CCDC73: variants seen among roughly 807,000 people sequenced by gnomAD.
The protein encoded by CCDC73 is coiled-coil domain containing 73, also known as coiled-coil domain-containing protein 73.
CCDC73 carries 95 observed loss-of-function variants against 116.5 expected under a neutral mutation model. The observed-to-expected ratio is 0.82, with a 90% CI of 0.69 to 0.97. The LOEUF (loss-of-function observed/expected upper bound fraction) is 0.97, where lower values mean the gene tolerates loss of function less well. CCDC73 is among the 50% of genes least tolerant of loss of function. The probability of loss-of-function intolerance (pLI) is 0.00; values close to 1 mark genes in which losing one functional copy is unlikely to be tolerated. For synonymous variants in CCDC73, 398 were observed against 401.3 expected (o/e 0.99, Z 0.10); for missense variants, 1,066 against 1,206.8 (o/e 0.88, Z 1.73).
chr11:32,779,256 T>A (rs1195460783), intron 1 of CCDC73, among the ~76,000 whole-genome samples: 1 of 120,282 alleles, frequency 8.3e-6, no homozygotes, highest in Non-Finnish European at 1.7e-5. Context: ...TATGCCTTCA[T>A]GTGGGGCAAA....
intron 1 of CCDC73, among the ~76,000 whole-genome samples, chr11:32,767,402 T>G (rs9667014): frequency 6.6e-6 from 1 of 152,128 alleles, no homozygotes; most frequent in African/African-American, 2.4e-5. Flanking sequence ...ATTCAGGACA[T>G]AGGCATGGGC....
intron 2 of CCDC73, among the ~76,000 whole-genome samples, chr11:32,722,020 TAAC>T (rs911047509): frequency 2.0e-4 from 30 of 152,124 alleles, no homozygotes; most frequent in African/African-American, 6.5e-4. Flanking sequence ...TAGCCGCAAG[TAAC>T]AACAACAAAA....
chr11:32,811,589 T>C, the CCDC73 span, among the ~76,000 whole-genome samples: 1 of 152,108 alleles, frequency 6.6e-6, no homozygotes, highest in Non-Finnish European at 1.5e-5. Context: ...CCAAGCAGCA[T>C]GGCACCAGCA....
intron 4 of CCDC73, 66 bp from the exon 5 acceptor site, chr11:32,700,892 G>C: frequency 4.6e-6 from 3 of 646,512 alleles, no homozygotes; most frequent in Non-Finnish European, 7.5e-6. Flanking sequence ...ACTGGTCACT[G>C]AGACTAAAGA....
chr11:32,736,714 A>G (rs1469830501), intron 2 of CCDC73, among the ~76,000 whole-genome samples: 1 of 151,930 alleles, frequency 6.6e-6, no homozygotes, highest in African/African-American at 2.4e-5. Context: ...ATGCACACGT[A>G]TGTTTATTGC....
chr11:32,775,225 T>C (rs1850523817), intron 1 of CCDC73, among the ~76,000 whole-genome samples: 2 of 152,202 alleles, frequency 1.3e-5, no homozygotes, highest in South Asian at 2.1e-4. Flanking sequence ...TGGCACACAA[T>C]AGACACTGAA....
chr11:32,614,284 A>C lies in CCDC73; in HGVS notation c.2034T>G (p.Leu678=). The C allele has an allele frequency of 6.2e-7, 1 of 1,613,578 alleles. No individual in the cohort carries two copies. The highest frequency in any genetic ancestry group is 8.5e-7 in the Non-Finnish European group (1 of 1,179,666). ...LTKKSECSIL[L]SKQTSDFLQV... ...GCAGAAAATCTGAAGTTTGTTTAGAAAGTAATATGCTGCACTCACTTTTTT... is the reference window on the plus strand; with the variant it reads ...GCAGAAAATCTGAAGTTTGTTTAGACAGTAATATGCTGCACTCACTTTTTT... The change falls in exon 16 of 18, where the codon CTT becomes CTG. Residue 678 remains leucine (L), a synonymous_variant. Coordinates refer to ENST00000335185, the MANE Select transcript of CCDC73 (RefSeq NM_001008391.4).
In CCDC73 at chr11:32,614,319, G is replaced by A. The variant is rs755272422; in HGVS notation, c.1999C>T (p.Leu667=). Reference sequence around the variant, plus strand: ...CTGCACTCACTTTTTTTAGTTAACAGTTGTATTTGTTTTATTTTACATTGT... The same window carrying A: ...CTGCACTCACTTTTTTTAGTTAACAATTGTATTTGTTTTATTTTACATTGT... ...DKQCKIKQIQ[L]LTKKSECSIL... Residue 667 remains leucine (L), a synonymous_variant, in exon 16 of 18, where the codon CTG becomes TTG. Coordinates refer to ENST00000335185, the MANE Select transcript of CCDC73 (RefSeq NM_001008391.4). 1.4e-5 allele frequency: 22 copies of A among 1,611,714 alleles called. No homozygotes were observed. The East Asian group carries it at 4.0e-4, about 29-fold the overall frequency.
At chr11:32,635,618 A>G (rs1434201112) in intron 14 of CCDC73, 78 bp downstream of exon 14, 2 of 1,178,088 alleles carry the variant, frequency 1.7e-6, no homozygotes, top group African/African-American at 3.1e-5. Flanking sequence ...AACTTAAAGT[A>G]TAAAACAGGG....
chr11:32,781,475 T>A (rs939418213), intron 1 of CCDC73, among the ~76,000 whole-genome samples: 1 of 152,024 alleles, frequency 6.6e-6, no homozygotes, highest in African/African-American at 2.4e-5. Flanking sequence ...GCCAACAGAG[T>A]CTGCTGATAC....
chr11:32,819,469 T>TG, the CCDC73 span, among the ~76,000 whole-genome samples: 4 of 148,914 alleles, frequency 2.7e-5, no homozygotes, highest in Middle Eastern at 3.2e-3. Context: ...AATAAGAGGT[T>TG]TTTTTTTTTT....
intron 6 of CCDC73, among the ~76,000 whole-genome samples, chr11:32,686,657 T>C (rs1419304838): frequency 6.6e-6 from 1 of 152,164 alleles, no homozygotes; most frequent in African/African-American, 2.4e-5. Flanking sequence ...CCACATTATT[T>C]CAGGCCACCG....
At chr11:32,807,732 C>T in the CCDC73 span, among the ~76,000 whole-genome samples, 1 of 152,174 alleles carries the variant, frequency 6.6e-6, no homozygotes, top group Non-Finnish European at 1.5e-5. Flanking sequence ...TCTGTCACAA[C>T]TCTGTCCTGC....
chr11:32,635,925 G>T, intron 13 of CCDC73, 95 bp from the exon 14 acceptor site: 1 of 777,810 alleles, frequency 1.3e-6, no homozygotes. Context: ...TCAGGAAATA[G>T]TCAAAGAATC....
At chr11:32,778,587 G>A (rs1876909) in intron 1 of CCDC73, among the ~76,000 whole-genome samples, 12,645 of 151,992 alleles carry the variant, frequency 0.083, 599 homozygotes, top group South Asian at 0.12. Context: ...TGAGGCAGGC[G>A]GATCACCTGA....
rs1220035163 is a variant in CCDC73 at position 32,718,012 on chromosome 11, T to C, written c.207+64A>G. 9 of 1,133,060 alleles carry C rather than the reference T, an allele frequency of 7.9e-6. No individual in the cohort carries two copies. In the African/African-American group the frequency reaches 9.4e-5, roughly 12 times the overall value. 70.2% of individuals were successfully genotyped at this position (1,133,060 alleles called of 1,614,324 possible). A position where few individuals can be genotyped will look rare whatever the true frequency, so the allele number is the denominator to read the frequency against. On this transcript the variant is annotated intron_variant, in intron 3 of 17. Coordinates refer to ENST00000335185, the MANE Select transcript of CCDC73 (RefSeq NM_001008391.4). ...TTGTCTCTCCCTTGACACGTGGGGG[T>C]TACGGGGATTACAATTCAAGATGAG...
At chr11:32,650,576 G>A (rs1209349739) in intron 12 of CCDC73, among the ~76,000 whole-genome samples, 1 of 152,126 alleles carries the variant, frequency 6.6e-6, no homozygotes, top group African/African-American at 2.4e-5. Flanking sequence ...GGAGATGGGA[G>A]GTTAGTACTT....
At chr11:32,702,308 C>A (rs916150635) in intron 4 of CCDC73, among the ~76,000 whole-genome samples, 1 of 152,118 alleles carries the variant, frequency 6.6e-6, no homozygotes, top group Non-Finnish European at 1.5e-5. Flanking sequence ...AAATTTTAGT[C>A]AAGAAAAGCT....
intron 2 of CCDC73, among the ~76,000 whole-genome samples, chr11:32,725,473 A>G (rs1247362168): frequency 6.6e-6 from 1 of 152,184 alleles, no homozygotes; most frequent in Non-Finnish European, 1.5e-5. Flanking sequence ...AGAGACTACT[A>G]TATCTTGTTG....
Sources: allele counts gnomAD v4.1 joint callset (sites outside exome capture counted in the v4.1 genomes callset), GRCh38; gene constraint gnomAD v4.1.1; transcripts MANE v1.5; gene names NCBI Gene and HGNC (gene_info 2026-07-23, HGNC 2026-07-21).